NPLOC4: variants seen among roughly 807,000 people sequenced by gnomAD.
NPLOC4 encodes the protein nuclear protein localization protein 4 homolog.
A neutral mutation model predicts 80.6 loss-of-function variants in NPLOC4; 18 were observed. The ratio of observed to expected loss-of-function variants is 0.22; its 90% CI spans 0.15 to 0.33. The LOEUF is 0.33. Among genes scored for constraint, NPLOC4 ranks in the 10% least tolerant of loss-of-function variants. The pLI, the probability that NPLOC4 is intolerant of heterozygous loss-of-function variation, is 1.00. For missense variants in NPLOC4, 540 were observed against 786.1 expected (o/e 0.69, Z 3.74); for synonymous variants, 313 against 301.5 (o/e 1.04, Z -0.39).
At chr17:81,623,397 A>G (rs886535594) in intron 2 of NPLOC4, among the ~76,000 whole-genome samples, 3 of 140,942 alleles carry the variant, frequency 2.1e-5, no homozygotes, top group African/African-American at 7.9e-5. Context: ...CCTGGGAGGT[A>G]GAGGCTGCAG....
intron 2 of NPLOC4, among the ~76,000 whole-genome samples, chr17:81,626,607 T>G (rs1296482677): frequency 2.6e-5 from 4 of 151,542 alleles, no homozygotes; most frequent in Admixed American, 6.6e-5. Flanking sequence ...GGAGACAGAG[T>G]GGGGAGGATC....
At chr17:81,605,803 G>A (rs866756583) in intron 7 of NPLOC4, among the ~76,000 whole-genome samples, 1 of 151,270 alleles carries the variant, frequency 6.6e-6, no homozygotes, top group Non-Finnish European at 1.5e-5. Context: ...CAATCTCTAG[G>A]GCAAAAAACA....
intron 12 of NPLOC4, among the ~76,000 whole-genome samples, chr17:81,576,924 G>A (rs910118560): frequency 1.9e-4 from 29 of 152,182 alleles, no homozygotes; most frequent in African/African-American, 6.3e-4. Context: ...CAGAGGAAAC[G>A]TGGGAGGACA....
chr17:81,603,401 A>G (rs1205932042), intron 8 of NPLOC4, among the ~76,000 whole-genome samples: 1 of 152,014 alleles, frequency 6.6e-6, no homozygotes, highest in East Asian at 1.9e-4. Flanking sequence ...TTCAAGACCA[A>G]CCTGGGCAAT....
chr17:81,565,581 G>A lies in NPLOC4; in HGVS notation c.1593C>T (p.Ala531=), dbSNP rs374808635. 60 of 1,553,664 alleles carry A rather than the reference G, an allele frequency of 3.9e-5. No individual in the cohort carries two copies. Among genetic ancestry groups the A allele is most frequent in the Middle Eastern group, 4.1e-4 (2 of 4,824 alleles). ...LQDSISLLLE[A]VRTRNEELAQ... Reference sequence around the variant, plus strand: ...CGAGCTCCTCATTTCTGGTCCGCACGGCCTCCAGCAGCAAGCTGATGCTGT... The same window carrying A: ...CGAGCTCCTCATTTCTGGTCCGCACAGCCTCCAGCAGCAAGCTGATGCTGT... Residue 531 remains alanine (A), a synonymous_variant, in exon 16 of 17, where the codon GCC becomes GCT. Coordinates refer to ENST00000331134, the MANE Select transcript of NPLOC4 (RefSeq NM_017921.4).
chr17:81,629,755 CTT>C lies in NPLOC4; in HGVS notation c.64_65del (p.Lys22GlufsTer20). The C allele has an allele frequency of 6.2e-7, 1 of 1,613,926 alleles. No individual in the cohort carries two copies. ...TCAAAAATGTTGCTGCTGTTTCTCT[CTT>C]TGTTGCTGTGATCCGCTTCACTCCA... is the stretch of plus-strand genomic sequence containing the variant. ...PDGVKRITAT[K>X]RETAATFLKK... On this transcript the variant is annotated frameshift_variant, in exon 2 of 17. Coordinates refer to ENST00000331134, the MANE Select transcript of NPLOC4 (RefSeq NM_017921.4). LOFTEE classifies it high-confidence loss of function.
chr17:81,562,777 A>G (rs928929921), intron 16 of NPLOC4: 1 of 149,882 alleles, frequency 6.7e-6, no homozygotes, highest in African/African-American at 2.5e-5. Context: ...CATCTCTACA[A>G]CAAATTTAAA....
chr17:81,613,945 G>A (rs562765574), intron 3 of NPLOC4, among the ~76,000 whole-genome samples: 80 of 152,052 alleles, frequency 5.3e-4, no homozygotes, highest in African/African-American at 1.6e-3. Context: ...ACATACACAC[G>A]TAAGCACAGA....
intron 4 of NPLOC4, among the ~76,000 whole-genome samples, chr17:81,611,347 T>C (rs1339857082): frequency 6.6e-6 from 1 of 151,774 alleles, no homozygotes; most frequent in East Asian, 2.0e-4. Flanking sequence ...AAATAGTTTT[T>C]TTTTTGTTTT....
chr17:81,617,947 G>A (rs1026329480), intron 3 of NPLOC4, among the ~76,000 whole-genome samples: 5 of 152,196 alleles, frequency 3.3e-5, no homozygotes, highest in Non-Finnish European at 7.3e-5. Context: ...ACGGAGTCTC[G>A]TTCACTCAGT....
Position 81,613,594 on chromosome 17 carries a change from T to TG in NPLOC4, c.210-101dup, listed in dbSNP as rs2035399016. ...GCAAAAAGCAAATGCCAACCACCCC[T>TG]GTAGGCCTAAACAATGAGGTTTCTA... On this transcript the variant is annotated intron_variant, in intron 3 of 16. Coordinates refer to ENST00000331134, the MANE Select transcript of NPLOC4 (RefSeq NM_017921.4). 2.9e-6 allele frequency: 3 copies of TG among 1,045,400 alleles called. No individual in the cohort carries two copies. In the East Asian group the frequency reaches 7.8e-5, roughly 27 times the overall value. The allele number at this position is 1,045,400 out of a possible 1,614,324, so 64.8% of individuals were successfully genotyped here.
chr17:81,606,557 A>T, intron 7 of NPLOC4, 134 bp downstream of exon 7: 1 of 919,852 alleles, frequency 1.1e-6, no homozygotes, highest in African/African-American at 1.7e-5. Flanking sequence ...CCACAAAAGG[A>T]TCATTCAGTC....
intron 6 of NPLOC4, 112 bp downstream of exon 6, chr17:81,608,616 G>A (rs1285416385): frequency 1.4e-6 from 1 of 726,662 alleles, no homozygotes; most frequent in African/African-American, 1.7e-5. Flanking sequence ...AAAGGCGTGT[G>A]ACCCCTTCTC....
intron 12 of NPLOC4, among the ~76,000 whole-genome samples, chr17:81,578,008 C>G (rs767970131): frequency 6.6e-6 from 1 of 152,218 alleles, no homozygotes; most frequent in Non-Finnish European, 1.5e-5. Context: ...CAGCACCTGT[C>G]CACTGCCTCT....
intron 16 of NPLOC4, chr17:81,561,970 A>T (rs1480831969): frequency 1.3e-5 from 2 of 152,232 alleles, no homozygotes; most frequent in Admixed American, 6.5e-5. Flanking sequence ...TTGTGTATAC[A>T]CGTCTGTAAT....
At chr17:81,582,448 C>T (rs1003544116) in intron 12 of NPLOC4, among the ~76,000 whole-genome samples, 1 of 152,168 alleles carries the variant, frequency 6.6e-6, no homozygotes, top group Non-Finnish European at 1.5e-5. Context: ...GTCGCCCAGG[C>T]TGGAGTACAG....
chr17:81,570,110 C>T (rs549761195), intron 13 of NPLOC4, among the ~76,000 whole-genome samples: 2 of 152,336 alleles, frequency 1.3e-5, no homozygotes, highest in Admixed American at 1.3e-4. Context: ...GCTGTGCCAG[C>T]GCCAGCCGCT....
At chr17:81,602,390 A>C (rs1370653420) in intron 8 of NPLOC4, among the ~76,000 whole-genome samples, 2 of 152,072 alleles carry the variant, frequency 1.3e-5, no homozygotes, top group Non-Finnish European at 2.9e-5. Context: ...ATAAAAAAAA[A>C]AATTAAACAA....
chr17:81,581,345 A>G (rs1418549704), intron 12 of NPLOC4, among the ~76,000 whole-genome samples: 6 of 84,522 alleles, frequency 7.1e-5, no homozygotes, highest in East Asian at 2.6e-4. Flanking sequence ...CCAGACTCCA[A>G]CGCAAAAAAA....
Sources: allele counts gnomAD v4.1 joint callset (sites outside exome capture counted in the v4.1 genomes callset), GRCh38; gene constraint gnomAD v4.1.1; transcripts MANE v1.5; gene names NCBI Gene and HGNC (gene_info 2026-07-23, HGNC 2026-07-21).